The following SPAST variants were observed in gnomAD, a reference collection of about 807,000 sequenced individuals.
The protein encoded by SPAST is spastic paraplegia 4 (autosomal dominant; spastin).
Under a neutral mutation model 76.6 loss-of-function variants are expected in SPAST, and 30 were observed. That is an observed-to-expected ratio of 0.39 (90% CI 0.29 to 0.53). The LOEUF (loss-of-function observed/expected upper bound fraction) is 0.53. SPAST is among the 20% of genes least tolerant of loss of function. SPAST has a pLI of 0.68. For missense variants in SPAST, 717 were observed against 770.5 expected (o/e 0.93, Z 0.82); for synonymous variants, 305 against 281.0 (o/e 1.09, Z -0.86).
intron 9 of SPAST, among the ~76,000 whole-genome samples, chr2:32,134,809 C>T (rs917525250): frequency 1.2e-4 from 19 of 152,126 alleles, no homozygotes; most frequent in Non-Finnish European, 2.2e-4. Flanking sequence ...AATTCTCCCA[C>T]GTCAGCCTCC....
intron 1 of SPAST, chr2:32,077,964 G>GT (rs371044940): frequency 0.019 from 2,327 of 119,766 alleles, 25 homozygotes; most frequent in African/African-American, 0.034. Context: ...CCCCATTTCT[G>GT]TTTTTTTTTT....
chr2:32,102,497 C>T (rs574203129), intron 4 of SPAST, among the ~76,000 whole-genome samples: 2 of 152,280 alleles, frequency 1.3e-5, no homozygotes, highest in Non-Finnish European at 2.9e-5. Context: ...CCAGAACTTC[C>T]AACACTATGT....
intron 4 of SPAST, among the ~76,000 whole-genome samples, chr2:32,100,170 T>C (rs908871247): frequency 2.6e-5 from 4 of 152,138 alleles, no homozygotes; most frequent in African/African-American, 9.7e-5. Context: ...TCACCAGCAT[T>C]TGGTACTTTT....
chr2:32,107,720 G>T (rs1047421416), intron 4 of SPAST, among the ~76,000 whole-genome samples: 6 of 152,150 alleles, frequency 3.9e-5, no homozygotes, highest in Non-Finnish European at 5.9e-5. Flanking sequence ...CAAGCATTTC[G>T]CATAAGGGAT....
intron 4 of SPAST, among the ~76,000 whole-genome samples, chr2:32,102,230 T>G (rs918358652): frequency 3.3e-5 from 5 of 152,216 alleles, no homozygotes; most frequent in African/African-American, 7.2e-5. Flanking sequence ...TTATTCTCTT[T>G]GAAGCAATTG....
At chr2:32,149,223 G>T (rs1324419756) in intron 16 of SPAST, among the ~76,000 whole-genome samples, 9 of 149,394 alleles carry the variant, frequency 6.0e-5, no homozygotes, top group Non-Finnish European at 1.5e-5. Flanking sequence ...CTGCGTAGCT[G>T]AGATTACAGG....
intron 4 of SPAST, among the ~76,000 whole-genome samples, chr2:32,109,236 G>C (rs1285065257): frequency 6.6e-6 from 1 of 151,920 alleles, no homozygotes; most frequent in Non-Finnish European, 1.5e-5. Context: ...AGCCTCCCCG[G>C]TAGCTGGAAT....
chr2:32,112,609 G>A (rs1054876567), intron 4 of SPAST, among the ~76,000 whole-genome samples: 4 of 151,542 alleles, frequency 2.6e-5, no homozygotes, highest in African/African-American at 9.7e-5. Context: ...GCCTCCGAAA[G>A]TTCTGGGATT....
chr2:32,074,238 CT>C (rs1676862812), intron 1 of SPAST, among the ~76,000 whole-genome samples: 1 of 152,108 alleles, frequency 6.6e-6, no homozygotes, highest in African/African-American at 2.4e-5. Flanking sequence ...AGAGTGAGGT[CT>C]AAAGCTGTAG....
chr2:32,083,850 G>GCAACCT (rs1677364220), intron 1 of SPAST, among the ~76,000 whole-genome samples: 1 of 140,490 alleles, frequency 7.1e-6, no homozygotes, highest in African/African-American at 2.7e-5. Context: ...TTGGCTTACC[G>GCAACCT]CAACCTCAAC....
chr2:32,126,306 T>C (rs1049907582), intron 7 of SPAST, among the ~76,000 whole-genome samples: 1 of 152,176 alleles, frequency 6.6e-6, no homozygotes, highest in Non-Finnish European at 1.5e-5. Context: ...GTGGAATTCA[T>C]TGTGTTAATC....
chr2:32,122,499 T>C (rs1459202149), intron 7 of SPAST, among the ~76,000 whole-genome samples: 1 of 152,114 alleles, frequency 6.6e-6, no homozygotes, highest in Non-Finnish European at 1.5e-5. Context: ...TTTTTGTATT[T>C]TTAGTAGAGA....
chr2:32,110,330 G>A (rs1273757187), intron 4 of SPAST, among the ~76,000 whole-genome samples: 2 of 149,050 alleles, frequency 1.3e-5, no homozygotes, highest in Admixed American at 6.7e-5. Flanking sequence ...ATGTTGGCCA[G>A]GCTGTTCTCA....
At chr2:32,112,612 C>A (rs1210647164) in intron 4 of SPAST, among the ~76,000 whole-genome samples, 1 of 151,898 alleles carries the variant, frequency 6.6e-6, no homozygotes, top group Non-Finnish European at 1.5e-5. Flanking sequence ...TCCGAAAGTT[C>A]TGGGATTACA....
intron 1 of SPAST, among the ~76,000 whole-genome samples, chr2:32,080,328 A>G (rs992871428): frequency 1.3e-5 from 2 of 151,382 alleles, no homozygotes; most frequent in African/African-American, 4.9e-5. Flanking sequence ...TAACTACTCA[A>G]CCCTGTCACA....
chr2:32,120,718 CCTTT>C (rs780649524), intron 7 of SPAST, among the ~76,000 whole-genome samples: 56 of 151,656 alleles, frequency 3.7e-4, no homozygotes, highest in Non-Finnish European at 7.1e-4. Flanking sequence ...TTCCTTTTTT[CCTTT>C]CTTTATTATG....
intron 4 of SPAST, among the ~76,000 whole-genome samples, chr2:32,105,018 C>G (rs7574604): frequency 0.98 from 148,621 of 152,282 alleles, 72,542 homozygotes; most frequent in Middle Eastern, 1. Flanking sequence ...GGTTGGGGAA[C>G]TTCTCCTGGA....
At chr2:32,106,827 G>A (rs1012966490) in intron 4 of SPAST, among the ~76,000 whole-genome samples, 1 of 151,302 alleles carries the variant, frequency 6.6e-6, no homozygotes, top group Non-Finnish European at 1.5e-5. Context: ...ATCGATATAA[G>A]TATTTTGCCT....
intron 1 of SPAST, among the ~76,000 whole-genome samples, chr2:32,085,208 T>C (rs535960195): frequency 1.5e-4 from 22 of 142,556 alleles, no homozygotes; most frequent in Admixed American, 4.1e-4. Flanking sequence ...TCTTCTTCTT[T>C]TTTTTTTTTT....
Sources: gnomAD v4.1 joint callset for allele counts (sites outside exome capture counted in the v4.1 genomes callset) on GRCh38, gnomAD v4.1.1 for gene constraint, MANE v1.5 for transcripts, NCBI Gene and HGNC (gene_info 2026-07-23, HGNC 2026-07-21) for gene names.